Variants in AHCYL2 observed in about 807,000 individuals in gnomAD.
AHCYL2 encodes adenosylhomocysteinase like 2.
In AHCYL2, 28 loss-of-function variants were observed where a neutral mutation model predicts 81.4. The observed-to-expected ratio is 0.34, with a 90% CI of 0.25 to 0.47. The LOEUF (loss-of-function observed/expected upper bound fraction) is 0.47. AHCYL2 is among the 20% of genes least tolerant of loss of function. The pLI is 1.00. For synonymous variants in AHCYL2, 272 were observed against 290.2 expected, an observed-to-expected ratio of 0.94 and a Z score of 0.64; for missense variants, 551 against 785.1, an observed-to-expected ratio of 0.70 and a Z score of 3.56.
At chr7:129,385,369 T>C (rs1000291644) in intron 2 of AHCYL2, among the ~76,000 whole-genome samples, 1 of 152,158 alleles carries the variant, frequency 6.6e-6, no homozygotes, top group African/African-American at 2.4e-5. Context: ...TCAGTCAGGG[T>C]TCTGACTGCT....
intron 4 of AHCYL2, among the ~76,000 whole-genome samples, chr7:129,395,600 G>A (rs913720992): frequency 3.3e-5 from 5 of 152,316 alleles, no homozygotes; most frequent in African/African-American, 1.2e-4. Context: ...TCCAGACACA[G>A]TGGATCTTTG....
chr7:129,356,194 C>T (rs956824785), intron 1 of AHCYL2, among the ~76,000 whole-genome samples: 2 of 152,088 alleles, frequency 1.3e-5, no homozygotes, highest in African/African-American at 4.8e-5. Context: ...AGACTTTAAC[C>T]ATTTTCAAAG....
chr7:129,309,430 C>T (rs968498106), intron 1 of AHCYL2, among the ~76,000 whole-genome samples: 8 of 151,742 alleles, frequency 5.3e-5, no homozygotes, highest in African/African-American at 1.9e-4. Flanking sequence ...GTCCCAGCTA[C>T]GTGGGAGGTT....
intron 1 of AHCYL2, among the ~76,000 whole-genome samples, chr7:129,361,605 TAAC>T (rs1158456386): frequency 6.6e-6 from 1 of 152,156 alleles, no homozygotes; most frequent in Non-Finnish European, 1.5e-5. Flanking sequence ...CTGTAATTAT[TAAC>T]AATAATAGTT....
At chr7:129,411,040 T>C (rs543086137) in intron 11 of AHCYL2, among the ~76,000 whole-genome samples, 19 of 151,986 alleles carry the variant, frequency 1.3e-4, no homozygotes, top group Non-Finnish European at 2.4e-4. Context: ...GATGGGATTA[T>C]AGGTGTGAGC....
chr7:129,320,459 G>A (rs1009253378), intron 1 of AHCYL2, among the ~76,000 whole-genome samples: 2 of 152,110 alleles, frequency 1.3e-5, no homozygotes, highest in Non-Finnish European at 2.9e-5. Flanking sequence ...TGGGATTACA[G>A]GTGCATGTCA....
Position 129,289,087 on chromosome 7 carries a change from T to G in AHCYL2, c.363+63648T>G, listed in dbSNP as rs945472160. 4.3e-4 allele frequency among the ~76,000 whole-genome samples: 65 copies of G among 151,810 alleles called. 2 individuals carry two copies. Among genetic ancestry groups the G allele is most frequent in the Non-Finnish European group, 1.3e-4 (9 of 67,954 alleles). On this transcript the variant is annotated intron_variant, in intron 1 of 16. Transcript: ENST00000325006. ...ATAAGCCACCACAACGGGCCTATTT[T>G]AATTTTTATTTTACTTTTTTGAGTC...
At chr7:129,268,433 C>A (rs1795892407) in intron 1 of AHCYL2, among the ~76,000 whole-genome samples, 1 of 152,094 alleles carries the variant, frequency 6.6e-6, no homozygotes, top group East Asian at 1.9e-4. Context: ...CCACAACCTC[C>A]ATCTCCCGGA....
chr7:129,417,935 G>A (rs116182176), intron 12 of AHCYL2, among the ~76,000 whole-genome samples: 2,450 of 152,234 alleles, frequency 0.016, 67 homozygotes, highest in African/African-American at 0.055. Context: ...CAAGATAAGG[G>A]TATTGGGGAT....
intron 1 of AHCYL2, among the ~76,000 whole-genome samples, chr7:129,300,516 G>GGAGTA (rs1797223074): frequency 6.6e-6 from 1 of 152,088 alleles, no homozygotes; most frequent in South Asian, 2.1e-4. Context: ...TTGCTTATAT[G>GGAGTA]TACCACATTT....
intron 1 of AHCYL2, among the ~76,000 whole-genome samples, chr7:129,298,474 C>T (rs1473999224): frequency 6.6e-6 from 1 of 152,186 alleles, no homozygotes; most frequent in Non-Finnish European, 1.5e-5. Flanking sequence ...ATTCACTTGG[C>T]ATTTCATGAG....
At chr7:129,249,714 C>T (rs1434430160) in intron 1 of AHCYL2, among the ~76,000 whole-genome samples, 2 of 152,324 alleles carry the variant, frequency 1.3e-5, no homozygotes, top group African/African-American at 2.4e-5. Context: ...CGTGAGCCAC[C>T]GTGCCTGGCC....
chr7:129,227,140 A>G (rs1323502814), intron 1 of AHCYL2, among the ~76,000 whole-genome samples: 1 of 152,206 alleles, frequency 6.6e-6, no homozygotes, highest in Non-Finnish European at 1.5e-5. Flanking sequence ...GAAAGTACTA[A>G]TTATGATTGA....
intron 1 of AHCYL2, among the ~76,000 whole-genome samples, chr7:129,306,526 C>T (rs1797449791): frequency 6.6e-6 from 1 of 152,088 alleles, no homozygotes; most frequent in South Asian, 2.1e-4. Context: ...TGAGTTTCCT[C>T]AAAACAGTTA....
At chr7:129,301,325 G>T (rs1384973514) in intron 1 of AHCYL2, among the ~76,000 whole-genome samples, 1 of 152,028 alleles carries the variant, frequency 6.6e-6, no homozygotes. Flanking sequence ...TCTTCACTTT[G>T]TTGGTTGTTT....
chr7:129,318,104 G>GAT (rs1436564621), intron 1 of AHCYL2, among the ~76,000 whole-genome samples: 1 of 152,156 alleles, frequency 6.6e-6, no homozygotes, highest in African/African-American at 2.4e-5. Context: ...ACTCATTGAT[G>GAT]ATAAGTATGT....
At chr7:129,300,526 T>TA (rs1563187257) in intron 1 of AHCYL2, among the ~76,000 whole-genome samples, 1 of 152,212 alleles carries the variant, frequency 6.6e-6, no homozygotes, top group South Asian at 2.1e-4. Flanking sequence ...GTACCACATT[T>TA]AAAAAAATCT....
intron 1 of AHCYL2, among the ~76,000 whole-genome samples, chr7:129,333,532 T>G (rs1326898838): frequency 6.6e-6 from 1 of 152,166 alleles, no homozygotes; most frequent in Non-Finnish European, 1.5e-5. Context: ...TTGCTTAAAT[T>G]ATAAATATTG....
At chr7:129,273,321 CTTTTTTT>C (rs35236990) in intron 1 of AHCYL2, among the ~76,000 whole-genome samples, 30 of 75,896 alleles carry the variant, frequency 4.0e-4, no homozygotes, top group African/African-American at 1.6e-3. Context: ...TTTGCTAAGA[CTTTTTTT>C]TTTTTTTTTT....
Sources: gnomAD v4.1 joint callset for allele counts (sites outside exome capture counted in the v4.1 genomes callset) on GRCh38, gnomAD v4.1.1 for gene constraint, MANE v1.5 for transcripts, NCBI Gene and HGNC (gene_info 2026-07-23, HGNC 2026-07-21) for gene names.